Variants in COL4A4 observed in about 807,000 individuals in gnomAD.
COL4A4 encodes the protein collagen alpha-4(IV) chain.
COL4A4 carries 105 observed loss-of-function variants against 192.9 expected under a neutral mutation model. That is an observed-to-expected ratio of 0.54 (90% CI 0.46 to 0.64). The LOEUF (loss-of-function observed/expected upper bound fraction) is 0.64, where lower values mean the gene tolerates loss of function less well. Ranked by LOEUF, COL4A4 falls within the 30% of genes least tolerant of loss-of-function variation. The pLI is 0.00. For synonymous variants in COL4A4, 762 were observed against 769.9 expected, an observed-to-expected ratio of 0.99 and a Z score of 0.17; for missense variants, 1,967 against 2,169.3, an observed-to-expected ratio of 0.91 and a Z score of 1.85.
chr2:227,141,962 G>A (rs1005342901), intron 3 of COL4A4, among the ~76,000 whole-genome samples: 5 of 152,004 alleles, frequency 3.3e-5, no homozygotes, highest in Non-Finnish European at 7.4e-5. Context: ...AATAAGGTCA[G>A]CTGATTAGAT....
chr2:227,067,997 A>G (rs1184011639), intron 25 of COL4A4, among the ~76,000 whole-genome samples: 1 of 145,272 alleles, frequency 6.9e-6, no homozygotes, highest in Non-Finnish European at 1.5e-5. Flanking sequence ...AAAAAGAGAG[A>G]AGAATCAAAT....
rs187048750 is a variant in COL4A4 at position 227,019,183 on chromosome 2, G to A, written c.4216+2865C>T. On this transcript the variant is annotated intron_variant, in intron 44 of 47. Coordinates refer to ENST00000396625, the MANE Select transcript of COL4A4 (RefSeq NM_000092.5). ...GCCACCTTCCACATTCTATTGGTCT[G>A]AGATTAGGCCGAGGTACCAATATTC... is the stretch of plus-strand genomic sequence containing the variant. Among the ~76,000 whole-genome samples the A allele has an allele frequency of 2.3e-4, 35 of 152,308 alleles. No individual in the cohort carries two copies. In the East Asian group the frequency reaches 6.2e-3, roughly 27 times the overall value.
At chr2:226,988,773 T>A in the COL4A4 span, 2 of 861,320 alleles carry the variant, frequency 2.3e-6, no homozygotes, top group Non-Finnish European at 2.8e-6. Flanking sequence ...CTGTAAGAAG[T>A]TACAAACTGT....
intron 41 of COL4A4, 89 bp downstream of exon 41, chr2:227,030,354 G>A (rs1968013662): frequency 7.1e-7 from 1 of 1,399,794 alleles, no homozygotes; most frequent in South Asian, 1.2e-5. Context: ...GTTTGCATAG[G>A]AAATAGAAAT....
At chr2:226,988,543 G>C in the COL4A4 span, 1 of 1,442,914 alleles carries the variant, frequency 6.9e-7, no homozygotes, top group Non-Finnish European at 9.1e-7. Flanking sequence ...TGCCAGGCTG[G>C]CCCTCTCTGC....
chr2:227,047,405 A>T, intron 35 of COL4A4, 70 bp downstream of exon 35: 1 of 1,073,604 alleles, frequency 9.3e-7, no homozygotes, highest in East Asian at 2.4e-5. Flanking sequence ...ATTGCCAGCT[A>T]GAAGTAATTG....
chr2:227,044,623 T>A (rs6707159), intron 35 of COL4A4, among the ~76,000 whole-genome samples: 81,378 of 151,410 alleles, frequency 0.54, 22,304 homozygotes, highest in African/African-American at 0.66. Context: ...ATATTAAAAA[T>A]AAAAACTTGT....
At chr2:227,091,666 G>A (rs751572071) in intron 20 of COL4A4, among the ~76,000 whole-genome samples, 6 of 152,062 alleles carry the variant, frequency 3.9e-5, no homozygotes. Context: ...GGCCAAAGGG[G>A]GCAGATCACC....
In COL4A4 at chr2:227,121,030, C is replaced by G; in HGVS notation, c.311G>C (p.Gly104Ala). 6.2e-7 allele frequency: 1 copy of G among 1,614,100 alleles called. No homozygotes were observed. The highest frequency in any genetic ancestry group is 8.5e-7 in the Non-Finnish European group (1 of 1,180,008). ...GTGGCTTACCTTATCTCCTTTGTCC[C>G]CTGCTGCTCCAGGAGGGCCGCGGTC... ...RGDRGPPGAA[G>A]DKGDKGPTGV... is the part of the protein sequence containing the mutation. Residue 104 changes from glycine (G) to alanine (A), a missense_variant, in exon 5 of 48, where the codon GGG becomes GCG. By Grantham distance (60) the Gly-to-Ala change is moderately conservative (BLOSUM62 0). Transcript: ENST00000396625.
intron 37 of COL4A4, among the ~76,000 whole-genome samples, chr2:227,041,852 A>AAGAAAGAGAGAGAG (rs1553633321): frequency 2.8e-5 from 2 of 71,364 alleles, no homozygotes; most frequent in Admixed American, 1.3e-4. Context: ...AAGAAAGAGA[A>AAGAAAGAGAGAGAG]AGAAAGAAAG....
At chr2:227,086,160 G>A (rs778580104) in intron 22 of COL4A4, among the ~76,000 whole-genome samples, 3 of 152,162 alleles carry the variant, frequency 2.0e-5, no homozygotes, top group African/African-American at 7.2e-5. Flanking sequence ...TCAGGCTAAG[G>A]CAATGAATGC....
rs1453250949 is a variant in COL4A4 at position 227,027,958 on chromosome 2, G to C, written c.4025C>G (p.Pro1342Arg). The change falls in exon 42 of 48, where the codon CCT (proline) becomes CGT (arginine). Residue 1342 changes from proline (P) to arginine (R), a missense_variant. Pro to Arg is a moderately radical substitution (Grantham distance 103). Coordinates refer to ENST00000396625, the MANE Select transcript of COL4A4 (RefSeq NM_000092.5). Reference protein sequence around the residue: ...PQGPHGFPGPPGEKGLPGPPG... With the variant: ...PQGPHGFPGPRGEKGLPGPPG... ...AGGTCCAGGTAAACCCTTCTCTCCA[G>C]GTGGCCCAGGAAATCCATGTGGTCC... 3 of 1,613,788 alleles carry C rather than the reference G, an allele frequency of 1.9e-6. No individual in the cohort carries two copies. The highest frequency in any genetic ancestry group is 2.5e-6 in the Non-Finnish European group (3 of 1,179,898).
chr2:227,132,393 A>T (rs916846717), intron 4 of COL4A4, among the ~76,000 whole-genome samples: 8 of 152,166 alleles, frequency 5.3e-5, no homozygotes, highest in Non-Finnish European at 1.0e-4. Flanking sequence ...GCCTGGTTGG[A>T]TGCCTGGCAT....
Position 227,088,308 on chromosome 2 carries a change from G to A in COL4A4, c.1623+345C>T, listed in dbSNP as rs114655249. Among the ~76,000 whole-genome samples the A allele has an allele frequency of 4.4e-3, 674 of 152,250 alleles. 4 individuals are homozygous for A. The highest frequency in any genetic ancestry group is 0.015 in the African/African-American group (634 of 41,552). ...GAATTGTAATCGCCATAATCCCCAT[G>A]TGTTGAGGGAGGGACCTGGTAGAAG... is the stretch of plus-strand genomic sequence containing the variant. On this transcript the variant is annotated intron_variant, in intron 22 of 47. Coordinates refer to ENST00000396625, the MANE Select transcript of COL4A4 (RefSeq NM_000092.5).
chr2:227,014,335 C>A (rs1225662503), intron 44 of COL4A4, among the ~76,000 whole-genome samples: 3 of 152,164 alleles, frequency 2.0e-5, no homozygotes, highest in South Asian at 2.1e-4. Context: ...TTCTAGAAGT[C>A]CCCAGGTGAT....
Position 227,027,976 on chromosome 2 carries a change from T to C in COL4A4, c.4007A>G (p.His1336Arg), listed in dbSNP as rs764116548. The C allele has an allele frequency of 3.3e-5, 53 of 1,613,436 alleles. No homozygotes were observed. Among genetic ancestry groups the C allele is most frequent in the Non-Finnish European group, 2.1e-5 (25 of 1,179,734 alleles). The change falls in exon 42 of 48, where the codon CAT becomes CGT. Residue 1336 changes from histidine (H) to arginine (R), a missense_variant. Transcript: ENST00000396625. ...PVGFPGPQGP[H>R]GFPGPPGEKG... Reference sequence around the variant, plus strand: ...CTCTCCAGGTGGCCCAGGAAATCCATGTGGTCCCTGCGGTCCCGGGAATCC... The same window carrying C: ...CTCTCCAGGTGGCCCAGGAAATCCACGTGGTCCCTGCGGTCCCGGGAATCC...
At chr2:227,151,613 G>A (rs183220468) in intron 1 of COL4A4, among the ~76,000 whole-genome samples, 3 of 152,148 alleles carry the variant, frequency 2.0e-5, no homozygotes, top group Non-Finnish European at 2.9e-5. Flanking sequence ...GTAGTAAACT[G>A]CCATGGTCTG....
rs1247246118 is a variant in COL4A4 at position 227,010,380 on chromosome 2, G to A, written c.4455C>T (p.Pro1485=). 1 of 1,614,094 alleles carries A rather than the reference G, an allele frequency of 6.2e-7. No homozygotes were observed. ...ACAGACTATACCCAGTCCAGAGCCT[G>A]GGCATGCCCAGGGGGCAGGTGGGCT... ...DQEPTCPLGM[P]RLWTGYSLLY... Residue 1485 remains proline, a synonymous_variant, in exon 46 of 48, where the codon CCC becomes CCT. Coordinates refer to ENST00000396625, the MANE Select transcript of COL4A4 (RefSeq NM_000092.5).
intron 8 of COL4A4, among the ~76,000 whole-genome samples, 182 bp from the exon 9 acceptor site, chr2:227,111,895 C>T (rs2124858964): frequency 6.6e-6 from 1 of 152,296 alleles, no homozygotes; most frequent in Non-Finnish European, 1.5e-5. Flanking sequence ...TCCTTAAGCT[C>T]TGAATTCTCC....
Sources: gnomAD v4.1 joint callset for allele counts (sites outside exome capture counted in the v4.1 genomes callset) on GRCh38, gnomAD v4.1.1 for gene constraint, MANE v1.5 for transcripts, NCBI Gene and HGNC (gene_info 2026-07-23, HGNC 2026-07-21) for gene names.